The following TDRD12 variants were observed in gnomAD, a reference collection of about 807,000 sequenced individuals.
TDRD12 encodes putative ATP-dependent RNA helicase TDRD12.
TDRD12 carries 158 observed loss-of-function variants against 133.5 expected under a neutral mutation model. The observed-to-expected ratio is 1.18, with a 90% CI of 1.04 to 1.35. The LOEUF is 1.35. TDRD12 is among the 40% of genes most tolerant of loss of function. TDRD12 has a pLI of 0.00. For synonymous variants in TDRD12, 460 were observed against 477.9 expected, an observed-to-expected ratio of 0.96 and a Z score of 0.49; for missense variants, 1,443 against 1,321.3, an observed-to-expected ratio of 1.09 and a Z score of -1.43.
intron 3 of TDRD12, among the ~76,000 whole-genome samples, chr19:32,741,568 T>A (rs1363283472): frequency 2.0e-5 from 3 of 152,198 alleles, no homozygotes; most frequent in Non-Finnish European, 4.4e-5. Context: ...GCGTTTGATG[T>A]TTTACATTTA....
intron 11 of TDRD12, among the ~76,000 whole-genome samples, chr19:32,787,036 C>A (rs916856142): frequency 3.9e-5 from 6 of 152,178 alleles, no homozygotes; most frequent in African/African-American, 1.4e-4. Flanking sequence ...AGCCTTTTTG[C>A]TCTGGTTTCT....
At chr19:32,803,946 C>T (rs1971471407) in intron 21 of TDRD12, among the ~76,000 whole-genome samples, 1 of 151,952 alleles carries the variant, frequency 6.6e-6, no homozygotes, top group African/African-American at 2.4e-5. Flanking sequence ...GGGGGAGTAG[C>T]TTATATATAC....
At chr19:32,746,846 A>G (rs1436288142) in intron 4 of TDRD12, among the ~76,000 whole-genome samples, 323 of 42,494 alleles carry the variant, frequency 7.6e-3, no homozygotes, top group Middle Eastern at 0.019. Flanking sequence ...GTGTGAGAGA[A>G]GGAGAGAGAC....
intron 1 of TDRD12, among the ~76,000 whole-genome samples, chr19:32,725,839 G>A (rs1007964516): frequency 1.3e-5 from 2 of 151,896 alleles, no homozygotes; most frequent in Non-Finnish European, 2.9e-5. Context: ...CTTCCTATCC[G>A]CGAGCATGGA....
intron 26 of TDRD12, among the ~76,000 whole-genome samples, chr19:32,815,908 C>T (rs1456377921): frequency 1.3e-5 from 2 of 152,032 alleles, no homozygotes; most frequent in South Asian, 2.1e-4. Context: ...GCAGGAGAAT[C>T]GCTTGAACCT....
intron 9 of TDRD12, chr19:32,826,724 T>G (rs1399402932): frequency 1.6e-6 from 2 of 1,232,176 alleles, no homozygotes; most frequent in Non-Finnish European, 1.0e-6. Flanking sequence ...GGGAAGACTG[T>G]GAAGAGGACA....
chr19:32,798,335 G>A (rs1568484650), exon 16 of TDRD12: 2 of 1,535,510 alleles, frequency 1.3e-6, no homozygotes, highest in East Asian at 2.4e-5. Context: ...ACCCCATACA[G>A]CCTGCTGAGG....
exon 10 of TDRD12, chr19:32,827,847 G>C (rs758396476): frequency 6.6e-6 from 1 of 152,248 alleles, no homozygotes; most frequent in African/African-American, 2.4e-5. Context: ...CCGCCGGCTT[G>C]TCTGTCCTGT....
chr19:32,825,158 C>T (rs890542619), downstream of TDRD12, among the ~76,000 whole-genome samples: 2 of 152,186 alleles, frequency 1.3e-5, no homozygotes, highest in Non-Finnish European at 2.9e-5. This position sits in a 1 kb window ranked among gnomAD's most constrained non-coding sequence, Gnocchi z 4.1. Context: ...GCACTCTTTT[C>T]CTGAGGCCAC....
chr19:32,731,088 A>G (rs1568445866), intron 1 of TDRD12, among the ~76,000 whole-genome samples: 2 of 152,294 alleles, frequency 1.3e-5, no homozygotes, highest in East Asian at 1.9e-4. Context: ...TCTAATAACA[A>G]TAGTACATAA....
chr19:32,805,554 A>T (rs1409278651), intron 21 of TDRD12, among the ~76,000 whole-genome samples: 1 of 151,900 alleles, frequency 6.6e-6, no homozygotes, highest in African/African-American at 2.4e-5. Flanking sequence ...TTTGTGGTCC[A>T]TTTTTGGACT....
At chr19:32,742,633 A>T in intron 3 of TDRD12, 148 bp from the exon 4 acceptor site, 2 of 862,226 alleles carry the variant, frequency 2.3e-6, no homozygotes, top group Non-Finnish European at 3.4e-6. Flanking sequence ...GTCTCCAAGC[A>T]CTGTTGGTGG....
exon 8 of TDRD12, chr19:32,826,347 G>A: frequency 7.6e-7 from 1 of 1,321,670 alleles, no homozygotes; most frequent in Non-Finnish European, 9.7e-7. Context: ...AAGGGATAGA[G>A]TCGTTTTCAG....
chr19:32,808,322 G>A (rs555460395), intron 22 of TDRD12, among the ~76,000 whole-genome samples: 1 of 152,252 alleles, frequency 6.6e-6, no homozygotes, highest in South Asian at 2.1e-4. Flanking sequence ...TTACCACCAA[G>A]TTAGTGACTT....
chr19:32,727,072 G>T (rs985263279), intron 1 of TDRD12, among the ~76,000 whole-genome samples: 1 of 152,150 alleles, frequency 6.6e-6, no homozygotes, highest in African/African-American at 2.4e-5. Flanking sequence ...AATGATTCCA[G>T]TGTCTCCACA....
chr19:32,732,012 G>T, intron 2 of TDRD12, 129 bp downstream of exon 2: 2 of 921,732 alleles, frequency 2.2e-6, no homozygotes, highest in Admixed American at 3.5e-5. Flanking sequence ...CTTGTGTTAG[G>T]TTTTTTTTTG....
downstream of TDRD12, among the ~76,000 whole-genome samples, chr19:32,822,611 G>T (rs1967439777): frequency 1.3e-5 from 2 of 152,002 alleles, no homozygotes; most frequent in African/African-American, 2.4e-5. Flanking sequence ...GCCAGGCGTG[G>T]TGGTGGGCAC....
At chr19:32,824,095 C>T (rs1454045143), downstream of TDRD12, 1 of 152,444 alleles carries the variant, frequency 6.6e-6, no homozygotes, top group Non-Finnish European at 1.5e-5. Flanking sequence ...GAGACTTCAT[C>T]TCTGGGCTCC....
chr19:32,821,866 AAT>A (rs1184572773), downstream of TDRD12, among the ~76,000 whole-genome samples: 5 of 152,220 alleles, frequency 3.3e-5, no homozygotes, highest in Non-Finnish European at 7.3e-5. Context: ...AGCTGGCGTT[AAT>A]AGAGTTGGCT....
Sources: gnomAD v4.1 joint callset for allele counts (sites outside exome capture counted in the v4.1 genomes callset) on GRCh38, gnomAD v4.1.1 for gene constraint, Gnocchi (gnomAD v3.1) non-coding constraint, MANE v1.5 for transcripts, NCBI Gene and HGNC (gene_info 2026-07-23, HGNC 2026-07-21) for gene names.